The following CPLANE1 variants were observed in gnomAD, a reference collection of about 807,000 sequenced individuals.
CPLANE1 encodes ciliogenesis and planar polarity effector complex subunit 1.
In CPLANE1, 263 loss-of-function variants were observed where a neutral mutation model predicts 362.5. The observed-to-expected ratio is 0.73, with a 90% CI of 0.66 to 0.80. CPLANE1 has a LOEUF of 0.80. CPLANE1 is among the 30% of genes least tolerant of loss of function. The probability of loss-of-function intolerance (pLI) is 0.00; values close to 1 mark genes in which losing one functional copy is unlikely to be tolerated. For missense variants in CPLANE1, 3,461 were observed against 3,793.4 expected (o/e 0.91, Z 2.30); for synonymous variants, 1,212 against 1,302.6 (o/e 0.93, Z 1.50).
Position 37,122,434 on chromosome 5 carries a change from CTT to C in CPLANE1, c.9011_9012del (p.Lys3004ArgfsTer7). ...IRLRQKMKHE[K>X]DRLLLSEHYS... ...GGTTACAGCTACCAAACTCACCTGT[CTT>C]TTTCATGCTTCATCTTTTGTCTCAG... On this transcript the variant is annotated frameshift_variant, in exon 48 of 53. Coordinates refer to ENST00000651892, the MANE Select transcript of CPLANE1 (RefSeq NM_001384732.1). LOFTEE classifies it high-confidence loss of function. 1 of 1,612,890 alleles carries C rather than the reference CTT, an allele frequency of 6.2e-7. No homozygotes were observed. The highest frequency in any genetic ancestry group is 8.5e-7 in the Non-Finnish European group (1 of 1,179,476).
At chr5:37,187,361 C>T (rs1456892492) in intron 23 of CPLANE1, 53 bp downstream of exon 23, 1 of 1,385,998 alleles carries the variant, frequency 7.2e-7, no homozygotes, top group Non-Finnish European at 9.8e-7. Flanking sequence ...AAATAAAAAT[C>T]TTTTAAAGTC....
chr5:37,134,722 C>A (rs1010382252), intron 46 of CPLANE1, among the ~76,000 whole-genome samples: 1 of 150,056 alleles, frequency 6.7e-6, no homozygotes. Flanking sequence ...TTCCTCTAGG[C>A]GTGATGTTAG....
chr5:37,183,741 TA>T (rs762420275), intron 25 of CPLANE1, 42 bp from the exon 26 acceptor site: 8 of 1,340,284 alleles, frequency 6.0e-6, no homozygotes, highest in Non-Finnish European at 8.2e-6. Context: ...AGAGATCATT[TA>T]ATCACTAAAA....
At chr5:37,116,530 G>A in intron 50 of CPLANE1, among the ~76,000 whole-genome samples, 1 of 124,310 alleles carries the variant, frequency 8.0e-6, no homozygotes, top group Admixed American at 8.9e-5. Context: ...GAAGTGGGAA[G>A]ATGATCTGAG....
intron 33 of CPLANE1, 120 bp from the exon 34 acceptor site, chr5:37,169,681 AT>A: frequency 1.3e-6 from 1 of 773,422 alleles, no homozygotes; most frequent in Non-Finnish European, 2.0e-6. Context: ...AAAAAAAATT[AT>A]TTATTCAATA....
chr5:37,085,020 CG>C, the CPLANE1 span: 2 of 624,618 alleles, frequency 3.2e-6, no homozygotes, highest in Non-Finnish European at 2.9e-6. Context: ...TTACACACAC[CG>C]GAAGAGAGGT....
chr5:37,180,423 A>G (rs938509906), intron 27 of CPLANE1, among the ~76,000 whole-genome samples: 2 of 152,206 alleles, frequency 1.3e-5, no homozygotes, highest in African/African-American at 4.8e-5. Flanking sequence ...ATTGTTCAGT[A>G]AATAACTAAA....
At chr5:37,155,416 C>G (rs1161721846) in intron 41 of CPLANE1, among the ~76,000 whole-genome samples, 1 of 152,144 alleles carries the variant, frequency 6.6e-6, no homozygotes, top group Non-Finnish European at 1.5e-5. Context: ...GCTCTAGCAC[C>G]CAGGCTGGAG....
intron 9 of CPLANE1, among the ~76,000 whole-genome samples, chr5:37,229,625 T>C (rs556010429): frequency 6.6e-6 from 1 of 152,256 alleles, no homozygotes; most frequent in Admixed American, 6.5e-5. Flanking sequence ...CGGAATAGAT[T>C]AATTTCAAAT....
intron 17 of CPLANE1, 70 bp from the exon 18 acceptor site, chr5:37,205,524 G>T: frequency 9.8e-7 from 1 of 1,023,222 alleles, no homozygotes; most frequent in Non-Finnish European, 1.4e-6. Flanking sequence ...CACATATCAA[G>T]GACTAAACAT....
chr5:37,125,088 A>G, intron 47 of CPLANE1, 156 bp downstream of exon 47: 1 of 1,376,444 alleles, frequency 7.3e-7, no homozygotes, highest in Admixed American at 2.7e-5. Context: ...TTTTAAGATA[A>G]TTTATTAACT....
At chr5:37,132,345 T>G (rs1263685495) in intron 46 of CPLANE1, among the ~76,000 whole-genome samples, 19 of 135,458 alleles carry the variant, frequency 1.4e-4, no homozygotes, top group African/African-American at 4.7e-4. Flanking sequence ...AAGTTTTTTT[T>G]TTTTTTTTTT....
the CPLANE1 span, among the ~76,000 whole-genome samples, chr5:37,089,474 G>C: frequency 6.6e-6 from 1 of 152,140 alleles, no homozygotes; most frequent in Non-Finnish European, 1.5e-5. Flanking sequence ...TGAAGGGAGA[G>C]AAATTACAGA....
intron 32 of CPLANE1, among the ~76,000 whole-genome samples, chr5:37,173,263 A>G (rs1041447877): frequency 6.6e-6 from 1 of 152,204 alleles, no homozygotes; most frequent in Admixed American, 6.5e-5. Context: ...AGAAATATGG[A>G]TAAGAAATAT....
chr5:37,122,685 G>A (rs1038223438), intron 47 of CPLANE1, among the ~76,000 whole-genome samples, 197 bp from the exon 48 acceptor site: 31 of 152,094 alleles, frequency 2.0e-4, no homozygotes, highest in Non-Finnish European at 3.4e-4. Flanking sequence ...AGGCTGCGGC[G>A]GGCGGATCAC....
intron 16 of CPLANE1, chr5:37,212,246 G>T: frequency 7.0e-7 from 1 of 1,438,584 alleles, no homozygotes; most frequent in Non-Finnish European, 9.8e-7. Context: ...AAATCATCCA[G>T]CAAGACCAGG....
At chr5:37,172,941 G>A (rs1324358006) in intron 32 of CPLANE1, among the ~76,000 whole-genome samples, 4 of 152,110 alleles carry the variant, frequency 2.6e-5, no homozygotes, top group East Asian at 1.9e-4. Context: ...CCGAGATCGC[G>A]CCACTGCACT....
intron 16 of CPLANE1, among the ~76,000 whole-genome samples, chr5:37,213,248 A>C (rs10941321): frequency 0.5 from 75,644 of 152,010 alleles, 21,275 homozygotes; most frequent in African/African-American, 0.78. Context: ...GAGTTCAAAA[A>C]CAGTCTGAGC....
In CPLANE1 at chr5:37,183,103, C is replaced by T; in HGVS notation, c.5078G>A (p.Arg1693Lys). The change falls in exon 26 of 53, where the codon AGA becomes AAA. Residue 1693 changes from arginine to lysine, a missense_variant. Physicochemically the swap from Arg to Lys is conservative, Grantham distance 26. Coordinates refer to ENST00000651892, the MANE Select transcript of CPLANE1 (RefSeq NM_001384732.1). ...RSIYKIQDDT[R>K]EKCLIQRSSN... ...TGATCTCTGGATTAGACATTTCTCT[C>T]TAGTGTCATCTTGTATTTTGTAAAT... 1 of 1,613,270 alleles carries T rather than the reference C, an allele frequency of 6.2e-7. No individual in the cohort carries two copies. Among genetic ancestry groups the T allele is most frequent in the Non-Finnish European group, 8.5e-7 (1 of 1,179,776 alleles).
Sources: gnomAD v4.1 joint callset for allele counts (sites outside exome capture counted in the v4.1 genomes callset) on GRCh38, gnomAD v4.1.1 for gene constraint, MANE v1.5 for transcripts, NCBI Gene and HGNC (gene_info 2026-07-23, HGNC 2026-07-21) for gene names.